The following B3GAT2 variants were observed in gnomAD, a reference collection of about 807,000 sequenced individuals.
B3GAT2 encodes beta-1,3-glucuronyltransferase 2, also known as galactosylgalactosylxylosylprotein 3-beta-glucuronosyltransferase 2.
In B3GAT2, 26 loss-of-function variants were observed where a neutral mutation model predicts 27.8. The ratio of observed to expected loss-of-function variants is 0.93; its 90% confidence interval spans 0.68 to 1.30. The LOEUF is 1.30. B3GAT2 is among the 50% of genes most tolerant of loss of function. The probability of loss-of-function intolerance (pLI) is 0.00; values close to 1 mark genes in which losing one functional copy is unlikely to be tolerated. For missense variants in B3GAT2, 458 were observed against 459.0 expected, an observed-to-expected ratio of 1.00 and a Z score of 0.02; for synonymous variants, 218 against 195.1, an observed-to-expected ratio of 1.12 and a Z score of -0.98.
intron 1 of B3GAT2, among the ~76,000 whole-genome samples, chr6:70,952,788 A>G (rs1765596867): frequency 6.6e-6 from 1 of 152,244 alleles, no homozygotes; most frequent in Non-Finnish European, 1.5e-5. Context: ...TGTTAACATA[A>G]GAGTATTCAA....
At chr6:70,943,002 C>CATAA (rs1181149714) in intron 1 of B3GAT2, among the ~76,000 whole-genome samples, 6 of 152,268 alleles carry the variant, frequency 3.9e-5, no homozygotes, top group Non-Finnish European at 7.4e-5. Context: ...CAGCATGTAA[C>CATAA]ATAAATAGTG....
chr6:70,907,970 C>T (rs1356539293), intron 1 of B3GAT2, among the ~76,000 whole-genome samples: 1 of 152,204 alleles, frequency 6.6e-6, no homozygotes, highest in Non-Finnish European at 1.5e-5. Context: ...TACCCAAAAG[C>T]TTCCTATTTG....
chr6:70,930,252 T>A (rs1773038401), intron 1 of B3GAT2, among the ~76,000 whole-genome samples: 2 of 152,202 alleles, frequency 1.3e-5, no homozygotes, highest in Non-Finnish European at 2.9e-5. Flanking sequence ...GAAGAAAACG[T>A]AGGCTATACC....
At chr6:70,940,461 A>T (rs956357448) in intron 1 of B3GAT2, among the ~76,000 whole-genome samples, 1 of 151,944 alleles carries the variant, frequency 6.6e-6, no homozygotes, top group Non-Finnish European at 1.5e-5. Flanking sequence ...CCAGGAAATG[A>T]CCTTAAAATA....
At chr6:70,930,681 AAAC>A (rs1215686799) in intron 1 of B3GAT2, among the ~76,000 whole-genome samples, 2 of 152,196 alleles carry the variant, frequency 1.3e-5, no homozygotes, top group Admixed American at 6.5e-5. Flanking sequence ...AAAAGTCAGG[AAAC>A]AACAGGTGCT....
intron 2 of B3GAT2, among the ~76,000 whole-genome samples, chr6:70,875,105 T>C (rs982352829): frequency 4.6e-5 from 7 of 152,172 alleles, no homozygotes; most frequent in African/African-American, 1.7e-4. Flanking sequence ...GTGTTCTCAC[T>C]GTTTTTATGG....
At chr6:70,940,667 C>T (rs1349255591) in intron 1 of B3GAT2, among the ~76,000 whole-genome samples, 2 of 152,122 alleles carry the variant, frequency 1.3e-5, no homozygotes, top group Non-Finnish European at 2.9e-5. Context: ...GTGGCTCACA[C>T]CTGTAATCCC....
intron 1 of B3GAT2, among the ~76,000 whole-genome samples, chr6:70,950,913 A>C (rs1269192317): frequency 6.6e-6 from 1 of 152,176 alleles, no homozygotes; most frequent in Non-Finnish European, 1.5e-5. Flanking sequence ...ATTTATTTAA[A>C]ATTGTATGCA....
At chr6:70,891,748 T>TTGTA (rs1772291987) in intron 2 of B3GAT2, among the ~76,000 whole-genome samples, 1 of 144,646 alleles carries the variant, frequency 6.9e-6, no homozygotes, top group African/African-American at 2.6e-5. Context: ...AGAGCTCAGA[T>TTGTA]TGTGTGTGTG....
rs376463461 is a variant in B3GAT2 at position 70,946,034 on chromosome 6, C to T, written c.591+9805G>A. On this transcript the variant is annotated intron_variant, in intron 1 of 3. Transcript: ENST00000230053. ...GACAAGCAAATGCTGAGAGATTTTGCCACCACCAGGCCTGCCCTAAAAGAG... is the reference window on the plus strand; with the variant it reads ...GACAAGCAAATGCTGAGAGATTTTGTCACCACCAGGCCTGCCCTAAAAGAG... 7.2e-5 allele frequency among the ~76,000 whole-genome samples: 11 copies of T among 151,948 alleles called. No homozygotes were observed. In the South Asian group the frequency reaches 1.5e-3, roughly 20 times the overall value.
At chr6:70,949,946 T>C (rs1765552236) in intron 1 of B3GAT2, among the ~76,000 whole-genome samples, 2 of 150,392 alleles carry the variant, frequency 1.3e-5, no homozygotes, top group South Asian at 4.2e-4. Flanking sequence ...CAGTAAACTA[T>C]CACAAGGACA....
chr6:70,859,823 T>C lies in B3GAT2; in HGVS notation c.*1840A>G. The stretch of plus-strand genomic sequence containing the variant: ...AGATTTTAATAGAGAATAATATCTA[T>C]CATACAAAGTTTATAGGATAATTTT... On this transcript the variant is annotated 3_prime_UTR_variant, in exon 4 of 4. Transcript: ENST00000230053. The C allele has an allele frequency of 5.5e-6, 1 of 181,308 alleles. No individual in the cohort carries two copies. The highest frequency in any genetic ancestry group is 1.6e-4 in the South Asian group (1 of 6,300). 11.2% of individuals were successfully genotyped at this position (181,308 alleles called of 1,614,324 possible).
At chr6:70,927,524 T>C (rs1772983673) in intron 1 of B3GAT2, among the ~76,000 whole-genome samples, 2 of 152,130 alleles carry the variant, frequency 1.3e-5, no homozygotes, top group Admixed American at 1.3e-4. Context: ...GGGGTTGCTA[T>C]CCTAGTCTCT....
At chr6:70,864,725 TAA>T (rs200243247) in intron 2 of B3GAT2, among the ~76,000 whole-genome samples, 1,554 of 152,324 alleles carry the variant, frequency 0.01, 12 homozygotes, top group Non-Finnish European at 0.015. Context: ...GGGGCAGAGT[TAA>T]AGAGTTCTCC....
At chr6:70,907,384 AG>A (rs1772619286) in intron 1 of B3GAT2, among the ~76,000 whole-genome samples, 3 of 152,228 alleles carry the variant, frequency 2.0e-5, no homozygotes, top group Admixed American at 2.0e-4. Flanking sequence ...ACCAGCCTGA[AG>A]ACAAAGCTGA....
intron 2 of B3GAT2, among the ~76,000 whole-genome samples, chr6:70,864,160 G>C (rs1028259192): frequency 2.0e-5 from 3 of 148,922 alleles, no homozygotes; most frequent in Non-Finnish European, 4.4e-5. Flanking sequence ...CAGGATACTG[G>C]TTGTATTTCC....
chr6:70,876,537 TATC>T (rs1433631968), intron 2 of B3GAT2, among the ~76,000 whole-genome samples: 2 of 152,252 alleles, frequency 1.3e-5, no homozygotes, highest in Non-Finnish European at 2.9e-5. Flanking sequence ...TGCAGATAGC[TATC>T]ATCTTATACG....
intron 1 of B3GAT2, among the ~76,000 whole-genome samples, chr6:70,950,675 G>T (rs561752414): frequency 6.6e-6 from 1 of 152,136 alleles, no homozygotes; most frequent in East Asian, 1.9e-4. Flanking sequence ...TTACCGTCAG[G>T]TTGCATTTGT....
chr6:70,922,325 T>C (rs2460696), intron 1 of B3GAT2, among the ~76,000 whole-genome samples: 63,388 of 152,086 alleles, frequency 0.42, 13,681 homozygotes, highest in East Asian at 0.6. Flanking sequence ...TGTAGGAATA[T>C]AGAACATCTG....
Sources: gnomAD v4.1 joint callset for allele counts (sites outside exome capture counted in the v4.1 genomes callset) on GRCh38, gnomAD v4.1.1 for gene constraint, MANE v1.5 for transcripts, NCBI Gene and HGNC (gene_info 2026-07-23, HGNC 2026-07-21) for gene names.